Variants in SIK3 observed in about 807,000 individuals in gnomAD.
The protein encoded by SIK3 is serine/threonine-protein kinase SIK3.
A neutral mutation model predicts 144.2 loss-of-function variants in SIK3; 28 were observed. The ratio of observed to expected loss-of-function variants is 0.19; its 90% CI spans 0.14 to 0.27. The LOEUF (loss-of-function observed/expected upper bound fraction) is 0.27. SIK3 is among the 10% of genes least tolerant of loss of function. The pLI is 1.00. For missense variants in SIK3, 1,319 were observed against 1,776.0 expected (o/e 0.74, Z 4.62); for synonymous variants, 686 against 676.3 (o/e 1.01, Z -0.22).
chr11:116,962,645 G>A (rs760298961), intron 1 of SIK3, among the ~76,000 whole-genome samples: 4 of 151,892 alleles, frequency 2.6e-5, no homozygotes, highest in Non-Finnish European at 4.4e-5. Context: ...AACATTCTCG[G>A]CTCAGCTCTA....
chr11:116,935,457 C>T (rs978305215), intron 3 of SIK3, among the ~76,000 whole-genome samples: 1 of 152,090 alleles, frequency 6.6e-6, no homozygotes, highest in African/African-American at 2.4e-5. Flanking sequence ...ACATGCCATC[C>T]TTTTCATATC....
At chr11:116,994,800 A>G (rs1488488449) in intron 1 of SIK3, among the ~76,000 whole-genome samples, 1 of 152,102 alleles carries the variant, frequency 6.6e-6, no homozygotes, top group African/African-American at 2.4e-5. Flanking sequence ...CTACCTATAC[A>G]ATTATTAATA....
chr11:116,999,366 G>A (rs1187167265), intron 1 of SIK3, among the ~76,000 whole-genome samples: 1 of 152,140 alleles, frequency 6.6e-6, no homozygotes, highest in African/African-American at 2.4e-5. Flanking sequence ...TGACTTTTCT[G>A]AAACTCAACT....
chr11:117,068,943 A>G (rs778028480), intron 1 of SIK3, among the ~76,000 whole-genome samples: 3 of 152,286 alleles, frequency 2.0e-5, no homozygotes, highest in Non-Finnish European at 2.9e-5. Flanking sequence ...GATGGGTAGT[A>G]TGACTCCTAC....
intron 23 of SIK3, among the ~76,000 whole-genome samples, chr11:116,847,143 C>A (rs1942035427): frequency 6.6e-6 from 1 of 152,222 alleles, no homozygotes; most frequent in Admixed American, 6.5e-5. Flanking sequence ...TTATGACACC[C>A]TCCCTTGACT....
intron 4 of SIK3, among the ~76,000 whole-genome samples, chr11:116,916,490 A>G (rs1946636876): frequency 6.6e-6 from 1 of 151,602 alleles, no homozygotes; most frequent in African/African-American, 2.4e-5. Flanking sequence ...TTTAATTTTA[A>G]ATTTCTATAA....
chr11:117,063,604 T>TA (rs1953893040), intron 1 of SIK3, among the ~76,000 whole-genome samples: 1 of 151,188 alleles, frequency 6.6e-6, no homozygotes, highest in Non-Finnish European at 1.5e-5. Context: ...TTTTTTTTTT[T>TA]AGATGGAATC....
intron 11 of SIK3, 107 bp from the exon 12 acceptor site, chr11:116,874,163 T>A: frequency 8.7e-7 from 1 of 1,152,984 alleles, no homozygotes; most frequent in Non-Finnish European, 1.2e-6. Flanking sequence ...TTATTTTATT[T>A]TCTTCCTGAA....
At chr11:116,967,493 CA>C (rs1162332370) in intron 1 of SIK3, among the ~76,000 whole-genome samples, 5 of 152,322 alleles carry the variant, frequency 3.3e-5, no homozygotes, top group African/African-American at 1.2e-4. Context: ...AATATGCCCT[CA>C]AGGACTAATA....
intron 3 of SIK3, among the ~76,000 whole-genome samples, chr11:116,940,597 T>C (rs1180259899): frequency 6.6e-6 from 1 of 152,058 alleles, no homozygotes; most frequent in African/African-American, 2.4e-5. Flanking sequence ...CTCTTATTTT[T>C]ATGTCATGGT....
intron 1 of SIK3, among the ~76,000 whole-genome samples, chr11:117,051,762 C>T (rs1310938780): frequency 6.6e-6 from 1 of 151,982 alleles, no homozygotes; most frequent in African/African-American, 2.4e-5. Flanking sequence ...CTCCTGACCT[C>T]AGGTGATCTG....
intron 6 of SIK3, among the ~76,000 whole-genome samples, chr11:116,890,076 A>G (rs1036879558): frequency 6.6e-5 from 10 of 152,212 alleles, no homozygotes; most frequent in African/African-American, 1.9e-4. Flanking sequence ...CTGAGTGCCT[A>G]CTAGAACTCA....
intron 1 of SIK3, among the ~76,000 whole-genome samples, chr11:116,985,056 T>C (rs1265516244): frequency 6.6e-6 from 1 of 152,258 alleles, no homozygotes; most frequent in Non-Finnish European, 1.5e-5. Context: ...TAATGGTTTA[T>C]ATTACCAAGC....
chr11:117,013,683 T>C (rs1951368571), intron 1 of SIK3, among the ~76,000 whole-genome samples: 1 of 151,882 alleles, frequency 6.6e-6, no homozygotes, highest in South Asian at 2.1e-4. Context: ...GCTAAAAATG[T>C]ATACTTTTAG....
intron 1 of SIK3, among the ~76,000 whole-genome samples, chr11:116,966,046 C>G (rs930927299): frequency 1.3e-5 from 2 of 151,802 alleles, no homozygotes; most frequent in African/African-American, 4.8e-5. Flanking sequence ...TATTAGGGAT[C>G]TGGGGAAGAA....
chr11:117,095,664 G>A (rs997563010), intron 1 of SIK3, among the ~76,000 whole-genome samples: 2 of 152,200 alleles, frequency 1.3e-5, no homozygotes, highest in African/African-American at 4.8e-5. Flanking sequence ...CTTCCAAAGT[G>A]GATTCAGAGA....
At chr11:117,016,528 C>A (rs549653344) in intron 1 of SIK3, among the ~76,000 whole-genome samples, 4 of 151,702 alleles carry the variant, frequency 2.6e-5, no homozygotes, top group African/African-American at 7.3e-5. Context: ...TAAGAAAGTT[C>A]TTGAGCTAAG....
rs1332213846 is a variant in SIK3 at position 116,849,423 on chromosome 11, G to A, written c.3656-140C>T. ...CACCAACCGCTGATCCTCAGCCGGC[G>A]TCATGGCTTAGAGGAGCCTGGACCA... On this transcript the variant is annotated intron_variant, in intron 21 of 24. Transcript: ENST00000445177. The surrounding 1 kb of genome is among the most constrained non-coding windows in gnomAD (Gnocchi z 4.2). The A allele has an allele frequency of 3.7e-5, 40 of 1,066,894 alleles. No individual in the cohort carries two copies. The highest frequency in any genetic ancestry group is 2.9e-4 in the Middle Eastern group (1 of 3,480). 66.1% of individuals were successfully genotyped at this position (1,066,894 alleles called of 1,614,324 possible). A position where few individuals can be genotyped will look rare whatever the true frequency, so the allele number is the denominator to read the frequency against.
intron 1 of SIK3, among the ~76,000 whole-genome samples, chr11:116,998,761 C>T (rs528025581): frequency 3.9e-4 from 59 of 152,288 alleles, no homozygotes; most frequent in African/African-American, 1.2e-3. Context: ...TCTGCTCTTT[C>T]CACAACTCTA....
Sources: gnomAD v4.1 joint callset for allele counts (sites outside exome capture counted in the v4.1 genomes callset) on GRCh38, gnomAD v4.1.1 for gene constraint, Gnocchi (gnomAD v3.1) non-coding constraint, MANE v1.5 for transcripts, NCBI Gene and HGNC (gene_info 2026-07-23, HGNC 2026-07-21) for gene names.